GRHL3: variants seen among roughly 807,000 people sequenced by gnomAD.
The protein encoded by GRHL3 is grainyhead-like protein 3 homolog.
A neutral mutation model predicts 70.3 loss-of-function variants in GRHL3; 20 were observed. That is an observed-to-expected ratio of 0.28 (90% CI 0.20 to 0.41). The LOEUF is 0.41. Ranked by LOEUF, GRHL3 falls within the 10% of genes least tolerant of loss-of-function variation. GRHL3 has a pLI of 1.00. For synonymous variants in GRHL3, 299 were observed against 299.9 expected, an observed-to-expected ratio of 1.00 and a Z score of 0.03; for missense variants, 637 against 762.3, an observed-to-expected ratio of 0.84 and a Z score of 1.94.
chr1:24,336,900 C>T lies in GRHL3; in HGVS notation c.612+73C>T, dbSNP rs187353560. ...ATACAGAATGAGAGAAGATAGTGAA[C>T]AGATCAGAGCTTTGGAATCCATGGG... On this transcript the variant is annotated intron_variant, in intron 4 of 15. Coordinates refer to ENST00000361548, the MANE Select transcript of GRHL3 (RefSeq NM_198173.3). 7 of 1,345,652 alleles carry T rather than the reference C, an allele frequency of 5.2e-6. No individual in the cohort carries two copies. The East Asian group carries it at 1.4e-4, about 27-fold the overall frequency. The allele number at this position is 1,345,652 out of a possible 1,614,324, so 83.4% of individuals were successfully genotyped here. A position where few individuals can be genotyped will look rare whatever the true frequency, so the allele number is the denominator to read the frequency against.
intron 14 of GRHL3, 69 bp downstream of exon 14, chr1:24,347,622 C>A: frequency 8.1e-7 from 1 of 1,227,906 alleles, no homozygotes; most frequent in Non-Finnish European, 1.2e-6. Flanking sequence ...CTCCTCACCA[C>A]GCAGTTCTGA....
chr1:24,319,490 G>C lies in GRHL3; in HGVS notation c.-62G>C. 7 of 1,483,434 alleles carry C rather than the reference G, an allele frequency of 4.7e-6. No homozygotes were observed. The highest frequency in any genetic ancestry group is 6.6e-6 in the Non-Finnish European group (7 of 1,061,182). 91.9% of individuals were successfully genotyped at this position (1,483,434 alleles called of 1,614,324 possible). Reference sequence around the variant, plus strand: ...GGCAGAGAATGTCTGTGTCAGGCAAGAATTAGAGACAAGCGGTCAGCAGAG... The same window carrying C: ...GGCAGAGAATGTCTGTGTCAGGCAACAATTAGAGACAAGCGGTCAGCAGAG... On this transcript the variant is annotated 5_prime_UTR_variant, in exon 1 of 16. Transcript: ENST00000361548.
Position 24,322,880 on chromosome 1 carries a change from C to G in GRHL3, c.17+3312C>G, listed in dbSNP as rs1164232223. ...TTTAAACCCTCCCAACAAACTAATG[C>G]GGGATGGGAGTGTAAATGCAGTTTT... On this transcript the variant is annotated intron_variant, in intron 1 of 15. Coordinates refer to ENST00000361548, the MANE Select transcript of GRHL3 (RefSeq NM_198173.3). This position sits in a 1 kb window ranked among gnomAD's most constrained non-coding sequence, Gnocchi z 4.4. Among the ~76,000 whole-genome samples the G allele has an allele frequency of 6.6e-6, 1 of 152,178 alleles. No individual in the cohort carries two copies. Among genetic ancestry groups the G allele is most frequent in the African/African-American group, 2.4e-5 (1 of 41,448 alleles).
chr1:24,347,410 C>G lies in GRHL3; in HGVS notation c.1544-58C>G. On this transcript the variant is annotated intron_variant, in intron 13 of 15. Coordinates refer to ENST00000361548, the MANE Select transcript of GRHL3 (RefSeq NM_198173.3). ...GTAACGTTTTCAGATTCCCCAGCCC[C>G]TGAGATGATCCTGTTCACATTATCT... 21 of 1,407,932 alleles carry G rather than the reference C, an allele frequency of 1.5e-5. No individual in the cohort carries two copies. The South Asian group carries it at 2.3e-4, about 15-fold the overall frequency. The allele number at this position is 1,407,932 out of a possible 1,614,324, so 87.2% of individuals were successfully genotyped here. A position where few individuals can be genotyped will look rare whatever the true frequency, so the allele number is the denominator to read the frequency against.
At chr1:24,352,707 A>C (rs141156729) in intron 15 of GRHL3, among the ~76,000 whole-genome samples, 137 of 152,264 alleles carry the variant, frequency 9.0e-4, no homozygotes, top group Middle Eastern at 3.4e-3. Context: ...CAGACAAAAC[A>C]ACCCTGATTT....
Position 24,322,936 on chromosome 1 carries a change from C to A in GRHL3, c.17+3368C>A. On this transcript the variant is annotated intron_variant, in intron 1 of 15. Coordinates refer to ENST00000361548, the MANE Select transcript of GRHL3 (RefSeq NM_198173.3). This position sits in a 1 kb window ranked among gnomAD's most constrained non-coding sequence, Gnocchi z 4.4. The stretch of plus-strand genomic sequence containing the variant: ...AGAGGGGACCCAGACCTGGTTCAGG[C>A]TTGCCCAAGGTCTCACGGAAGCACT... The A allele has an allele frequency of 1.5e-6, 1 of 661,220 alleles. No individual in the cohort carries two copies. The highest frequency in any genetic ancestry group is 2.6e-6 in the Non-Finnish European group (1 of 380,102). The allele number at this position is 661,220 out of a possible 1,614,324, so 41.0% of individuals were successfully genotyped here.
intron 1 of GRHL3, chr1:24,323,228 T>G: frequency 1.4e-6 from 1 of 717,794 alleles, no homozygotes; most frequent in South Asian, 1.6e-5. Context: ...CCTAGAACAG[T>G]GTTCTCAAAC....
At chr1:24,361,548 GC>G (rs551932583) in intron 15 of GRHL3, among the ~76,000 whole-genome samples, 2,594 of 152,182 alleles carry the variant, frequency 0.017, 17 homozygotes, top group Non-Finnish European at 0.026. Flanking sequence ...CCACAGATTT[GC>G]CATCCCAAGA....
chr1:24,335,670 T>C (rs1050277349), intron 3 of GRHL3, among the ~76,000 whole-genome samples: 10 of 151,448 alleles, frequency 6.6e-5, no homozygotes, highest in Non-Finnish European at 1.3e-4. Context: ...GCAAGCTCCG[T>C]CTCCCGGGTT....
chr1:24,355,627 A>G (rs979209840), downstream of GRHL3, among the ~76,000 whole-genome samples: 17 of 152,234 alleles, frequency 1.1e-4, no homozygotes, highest in Non-Finnish European at 2.1e-4. Context: ...TGAGGCCATC[A>G]GGCAGCACCC....
chr1:24,327,417 T>C (rs1032360593), intron 1 of GRHL3, among the ~76,000 whole-genome samples: 16 of 152,142 alleles, frequency 1.1e-4, no homozygotes, highest in African/African-American at 3.9e-4. Flanking sequence ...TAGAAGACAC[T>C]CAATAGACCC....
At chr1:24,328,897 A>C (rs1639491497) in intron 1 of GRHL3, among the ~76,000 whole-genome samples, 1 of 152,218 alleles carries the variant, frequency 6.6e-6, no homozygotes, top group Non-Finnish European at 1.5e-5. Context: ...CTGTTGATCC[A>C]GGGGGTGGGA....
chr1:24,346,415 AC>A, intron 12 of GRHL3, 137 bp from the exon 13 acceptor site: 1 of 606,792 alleles, frequency 1.6e-6, no homozygotes, highest in South Asian at 2.1e-5. Context: ...CTGCTGCTTT[AC>A]CCCCACTGTC....
In GRHL3 at chr1:24,336,716, C is replaced by T. The variant is rs1165844495; in HGVS notation, c.501C>T (p.Thr167=). 6.2e-6 allele frequency: 10 copies of T among 1,614,026 alleles called. No individual in the cohort carries two copies. The highest frequency in any genetic ancestry group is 1.3e-5 in the African/African-American group (1 of 74,928). Residue 167 remains threonine, a synonymous_variant, in exon 4 of 16, where the codon ACC becomes ACT. Transcript: ENST00000361548. ...CTGTGGACAGCTACCTGTTACCCAC[C>T]ACTGATATGTATGATAATGGCTCCC... ...AGSVDSYLLP[T]TDMYDNGSLN...
At chr1:24,338,150 A>C in intron 7 of GRHL3, 47 bp downstream of exon 7, 1 of 1,260,000 alleles carries the variant, frequency 7.9e-7, no homozygotes. Flanking sequence ...CTCTCTCCCC[A>C]CCCCCGCATC....
rs1438027402 is a variant in GRHL3, at chr1:24,355,143, T to A, written c.*655T>A. On this transcript the variant is annotated 3_prime_UTR_variant, in exon 16 of 16. Transcript: ENST00000361548. The stretch of plus-strand genomic sequence containing the variant: ...GATTTTCATTTGTTATATATATATA[T>A]AAATATACTGTATATATATGCAACA... 1 of 152,314 alleles carries A rather than the reference T, an allele frequency of 6.6e-6. No homozygotes were observed. Among genetic ancestry groups the A allele is most frequent in the African/African-American group, 2.4e-5 (1 of 41,338 alleles). 9.4% of individuals were successfully genotyped at this position (152,314 alleles called of 1,614,324 possible). A position where few individuals can be genotyped will look rare whatever the true frequency, so the allele number is the denominator to read the frequency against.
At chr1:24,323,087 T>A in intron 1 of GRHL3, 3 of 1,548,118 alleles carry the variant, frequency 1.9e-6, no homozygotes, top group South Asian at 1.2e-5. Context: ...AGCAGAAGAA[T>A]GTGGATGAAT....
At chr1:24,320,947 A>C (rs1351875582) in intron 1 of GRHL3, among the ~76,000 whole-genome samples, 3 of 152,214 alleles carry the variant, frequency 2.0e-5, no homozygotes, top group African/African-American at 7.2e-5. Context: ...AGGATTTGAC[A>C]ATTTTAGAAT....
intron 3 of GRHL3, among the ~76,000 whole-genome samples, chr1:24,335,819 T>C (rs528223415): frequency 1.3e-5 from 2 of 152,250 alleles, no homozygotes; most frequent in Admixed American, 6.5e-5. Flanking sequence ...CCTGACCTCG[T>C]GATCCGCCCG....
Sources: gnomAD v4.1 joint callset for allele counts (sites outside exome capture counted in the v4.1 genomes callset) on GRCh38, gnomAD v4.1.1 for gene constraint, Gnocchi (gnomAD v3.1) non-coding constraint, MANE v1.5 for transcripts, NCBI Gene and HGNC (gene_info 2026-07-23, HGNC 2026-07-21) for gene names.